CAMK4: variants seen among roughly 807,000 people sequenced by gnomAD.
CAMK4 encodes the protein calcium/calmodulin dependent protein kinase IV.
Under a neutral mutation model 44.9 loss-of-function variants are expected in CAMK4, and 22 were observed. The ratio of observed to expected loss-of-function variants is 0.49; its 90% CI spans 0.35 to 0.70. The LOEUF (loss-of-function observed/expected upper bound fraction) is 0.70, where lower values mean the gene tolerates loss of function less well. Ranked by LOEUF, CAMK4 falls within the 30% of genes least tolerant of loss-of-function variation. CAMK4 has a pLI of 0.01. For synonymous variants in CAMK4, 218 were observed against 215.4 expected (o/e 1.01, Z -0.11); for missense variants, 498 against 586.8 (o/e 0.85, Z 1.56).
At chr5:111,418,139 G>C (rs1752879759) in intron 5 of CAMK4, among the ~76,000 whole-genome samples, 1 of 152,108 alleles carries the variant, frequency 6.6e-6, no homozygotes, top group South Asian at 2.1e-4. Context: ...GAGAAATAAA[G>C]GGACAGAGTA....
intron 1 of CAMK4, among the ~76,000 whole-genome samples, chr5:111,281,927 G>T (rs1453948020): frequency 6.6e-6 from 1 of 151,650 alleles, no homozygotes; most frequent in African/African-American, 2.4e-5. Flanking sequence ...GCGAGGTGGC[G>T]GGCGCCTGTA....
intron 4 of CAMK4, among the ~76,000 whole-genome samples, chr5:111,388,280 T>C (rs1751676286): frequency 6.6e-6 from 1 of 152,228 alleles, no homozygotes; most frequent in Admixed American, 6.5e-5. Flanking sequence ...ATCCCTTGGT[T>C]GTACAAACCT....
intron 1 of CAMK4, among the ~76,000 whole-genome samples, chr5:111,231,011 A>C (rs1375344915): frequency 6.6e-6 from 1 of 152,086 alleles, no homozygotes; most frequent in African/African-American, 2.4e-5. Flanking sequence ...TCAAGGTTTT[A>C]CTCAAATTAT....
At chr5:111,316,083 A>G (rs1448979187) in intron 1 of CAMK4, among the ~76,000 whole-genome samples, 2 of 152,156 alleles carry the variant, frequency 1.3e-5, no homozygotes, top group Admixed American at 6.6e-5. Context: ...CTAAGCAAAC[A>G]TTACCAATAA....
At chr5:111,302,397 G>C (rs947457414) in intron 1 of CAMK4, 1 of 147,846 alleles carries the variant, frequency 6.8e-6, no homozygotes, top group East Asian at 2.0e-4. Flanking sequence ...CGCACCGTGC[G>C]GGAGCCGAAG....
intron 8 of CAMK4, among the ~76,000 whole-genome samples, chr5:111,476,125 T>C (rs575220563): frequency 1.2e-3 from 190 of 152,262 alleles, no homozygotes; most frequent in African/African-American, 4.2e-3. Flanking sequence ...TGTTTTTTTT[T>C]AATAAAGCCA....
At chr5:111,342,092 GT>G (rs963519248) in intron 1 of CAMK4, among the ~76,000 whole-genome samples, 3 of 151,294 alleles carry the variant, frequency 2.0e-5, no homozygotes, top group Non-Finnish European at 1.5e-5. Flanking sequence ...GTATTCTGAT[GT>G]TTTGGTGGAG....
chr5:111,267,554 A>T (rs1750307079), intron 1 of CAMK4, among the ~76,000 whole-genome samples: 1 of 151,984 alleles, frequency 6.6e-6, no homozygotes, highest in African/African-American at 2.4e-5. Flanking sequence ...AATACAAAAA[A>T]TTAGCGGGGC....
intron 4 of CAMK4, among the ~76,000 whole-genome samples, chr5:111,386,754 T>G (rs879649817): frequency 5.9e-5 from 9 of 152,096 alleles, no homozygotes; most frequent in Non-Finnish European, 8.8e-5. Flanking sequence ...AAAGGCACAG[T>G]TGTGGTGTAA....
chr5:111,273,086 T>C (rs1191226262), intron 1 of CAMK4, among the ~76,000 whole-genome samples: 2 of 152,160 alleles, frequency 1.3e-5, no homozygotes, highest in Non-Finnish European at 2.9e-5. Context: ...GAAATTGTTG[T>C]CATGTTGGAC....
At chr5:111,316,271 A>G (rs80016777) in intron 1 of CAMK4, among the ~76,000 whole-genome samples, 4,804 of 152,212 alleles carry the variant, frequency 0.032, 101 homozygotes, top group Non-Finnish European at 0.048. Context: ...GGATCAGCTC[A>G]GTTCTTTTTC....
At position 111,492,333 on chromosome 5, in the gene CAMK4, G is replaced by GCAAT. The variant is rs1755875543; in HGVS notation, c.*7872_*7875dup. 6.6e-6 allele frequency: 1 copy of GCAAT among 151,880 alleles called. No homozygotes were observed. Among genetic ancestry groups the GCAAT allele is most frequent in the Non-Finnish European group, 1.5e-5 (1 of 68,006 alleles). 9.4% of individuals were successfully genotyped at this position (151,880 alleles called of 1,614,324 possible). A position where few individuals can be genotyped will look rare whatever the true frequency, so the allele number is the denominator to read the frequency against. On this transcript the variant is annotated 3_prime_UTR_variant, in exon 11 of 11. Coordinates refer to ENST00000282356, the MANE Select transcript of CAMK4 (RefSeq NM_001744.6). ...GCAATATTATTGCTCTATTATTACAGCAATCAATAATATAATATAGCCACT... is the reference window on the plus strand; with the variant it reads ...GCAATATTATTGCTCTATTATTACAGCAATCAATCAATAATATAATATAGCCACT...
intron 2 of CAMK4, among the ~76,000 whole-genome samples, chr5:111,353,591 A>G (rs188481514): frequency 1.5e-3 from 232 of 152,274 alleles, no homozygotes; most frequent in African/African-American, 5.4e-3. Context: ...GATTTTAAAT[A>G]TAGAAAACTC....
chr5:111,480,288 A>ACACC (rs1364533152), intron 9 of CAMK4, among the ~76,000 whole-genome samples: 1 of 145,116 alleles, frequency 6.9e-6, no homozygotes, highest in Non-Finnish European at 1.5e-5. Context: ...ACACACACAC[A>ACACC]CCCCTGGGTA....
At chr5:111,312,035 G>C in intron 1 of CAMK4, among the ~76,000 whole-genome samples, 1 of 152,148 alleles carries the variant, frequency 6.6e-6, no homozygotes, top group Non-Finnish European at 1.5e-5. Context: ...GAAAATGTTA[G>C]TCCTTTTTTC....
intron 2 of CAMK4, among the ~76,000 whole-genome samples, chr5:111,358,953 AC>A (rs1308256429): frequency 6.6e-6 from 1 of 152,126 alleles, no homozygotes; most frequent in East Asian, 1.9e-4. Context: ...TATATGTACC[AC>A]ATTTTCTTTA....
chr5:111,335,908 T>G (rs1237221031), intron 1 of CAMK4, among the ~76,000 whole-genome samples: 1 of 151,346 alleles, frequency 6.6e-6, no homozygotes, highest in Non-Finnish European at 1.5e-5. Flanking sequence ...CTCTCTCTTT[T>G]TGTGTAATGA....
intron 1 of CAMK4, among the ~76,000 whole-genome samples, chr5:111,297,798 T>G (rs910355264): frequency 6.6e-6 from 1 of 152,186 alleles, no homozygotes; most frequent in Non-Finnish European, 1.5e-5. Context: ...TCCTCTAGGT[T>G]TGGAGCTGTT....
chr5:111,251,344 C>G (rs184695506), intron 1 of CAMK4, among the ~76,000 whole-genome samples: 5 of 152,266 alleles, frequency 3.3e-5, no homozygotes, highest in Admixed American at 3.3e-4. Flanking sequence ...TTTTTGAATT[C>G]TTTCTCTGAG....
Sources: allele counts gnomAD v4.1 joint callset (sites outside exome capture counted in the v4.1 genomes callset), GRCh38; gene constraint gnomAD v4.1.1; transcripts MANE v1.5; gene names NCBI Gene and HGNC (gene_info 2026-07-23, HGNC 2026-07-21).